ABCD3: variants seen among roughly 807,000 people sequenced by gnomAD.
ABCD3 encodes the protein ATP-binding cassette sub-family D member 3.
A neutral mutation model predicts 105.5 loss-of-function variants in ABCD3; 41 were observed. That is an observed-to-expected ratio of 0.39 (90% confidence interval 0.30 to 0.50). The LOEUF (loss-of-function observed/expected upper bound fraction) is 0.50, where lower values mean the gene tolerates loss of function less well. ABCD3 is among the 20% of genes least tolerant of loss of function. ABCD3 has a pLI of 0.84. For synonymous variants in ABCD3, 258 were observed against 269.0 expected, an observed-to-expected ratio of 0.96 and a Z score of 0.40; for missense variants, 622 against 806.3, an observed-to-expected ratio of 0.77 and a Z score of 2.77.
At chr1:94,503,603 A>G (rs916732234) in intron 20 of ABCD3, among the ~76,000 whole-genome samples, 6 of 152,166 alleles carry the variant, frequency 3.9e-5, no homozygotes, top group African/African-American at 1.4e-4. Flanking sequence ...TGCCTTAGCC[A>G]AAGCTTCTCT....
chr1:94,390,754 A>G, the ABCD3 span, among the ~76,000 whole-genome samples: 1 of 152,206 alleles, frequency 6.6e-6, no homozygotes, highest in Non-Finnish European at 1.5e-5. Context: ...CTGGAGAAAA[A>G]TATGAAGGTT....
At chr1:94,451,246 GGTTT>G (rs1647234844) in intron 1 of ABCD3, among the ~76,000 whole-genome samples, 2 of 151,876 alleles carry the variant, frequency 1.3e-5, no homozygotes, top group Admixed American at 1.3e-4. Context: ...TGAAATCTTG[GGTTT>G]GTTTTTGTTT....
In ABCD3 at chr1:94,499,489, T is replaced by C. The variant is rs770331037; in HGVS notation, c.1621-6T>C. 9 of 1,612,926 alleles carry C rather than the reference T, an allele frequency of 5.6e-6. No individual in the cohort carries two copies. Among genetic ancestry groups the C allele is most frequent in the South Asian group, 1.1e-5 (1 of 91,066 alleles). On this transcript the variant is annotated splice_region_variant and splice_polypyrimidine_tract_variant and intron_variant, in intron 19 of 22. Transcript: ENST00000370214. The stretch of plus-strand genomic sequence containing the variant: ...TTAATTTCATCTTTAATCATTTTGC[T>C]GAAAGGTACTGAAGGAATACTTAGA...
chr1:94,424,857 T>A (rs1659402199), intron 1 of ABCD3, among the ~76,000 whole-genome samples: 1 of 152,228 alleles, frequency 6.6e-6, no homozygotes, highest in Non-Finnish European at 1.5e-5. Context: ...ACTGCTAGCA[T>A]TTAAGTTCCA....
At chr1:94,387,731 G>C in the ABCD3 span, among the ~76,000 whole-genome samples, 1 of 152,198 alleles carries the variant, frequency 6.6e-6, no homozygotes, top group Non-Finnish European at 1.5e-5. Flanking sequence ...CATTGTCAGT[G>C]TTATGCGATC....
At chr1:94,422,465 G>T (rs6660167) in intron 1 of ABCD3, among the ~76,000 whole-genome samples, 39,164 of 152,084 alleles carry the variant, frequency 0.26, 5,674 homozygotes, top group Admixed American at 0.34. Context: ...ATCGTGTTCC[G>T]CAAAACTGGT....
In ABCD3 at chr1:94,515,102, T is replaced by G. The variant is rs1008676299; in HGVS notation, c.1846-44T>G. ...AAAGTACATGGACTAGTTTAATTTG[T>G]GACTCTGTTACTCATTAAACCTAAA... On this transcript the variant is annotated intron_variant, in intron 21 of 22. Coordinates refer to ENST00000370214, the MANE Select transcript of ABCD3 (RefSeq NM_002858.4). 6.9e-6 allele frequency: 10 copies of G among 1,458,472 alleles called. No homozygotes were observed. In the Admixed American group the frequency reaches 1.0e-4, roughly 15 times the overall value. The allele number at this position is 1,458,472 out of a possible 1,614,324, so 90.3% of individuals were successfully genotyped here. A position where few individuals can be genotyped will look rare whatever the true frequency, so the allele number is the denominator to read the frequency against.
At chr1:94,438,651 C>T (rs796631541) in intron 1 of ABCD3, among the ~76,000 whole-genome samples, 2 of 152,294 alleles carry the variant, frequency 1.3e-5, no homozygotes, top group African/African-American at 4.8e-5. Flanking sequence ...GCCACAGCCA[C>T]CCCAGCCTTC....
At position 94,517,636 on chromosome 1, in the gene ABCD3, TTA is replaced by T. The variant is rs1650981063; in HGVS notation, c.*510_*511del. The stretch of plus-strand genomic sequence containing the variant: ...TAACATCATTGCATAACAGCGTTTA[TTA>T]TACAGTGGCAGATTTCTTTAGCTGC... On this transcript the variant is annotated 3_prime_UTR_variant, in exon 23 of 23. Transcript: ENST00000370214. The T allele has an allele frequency of 6.1e-6, 1 of 165,104 alleles. No individual in the cohort carries two copies. Among genetic ancestry groups the T allele is most frequent in the African/African-American group, 2.4e-5 (1 of 41,494 alleles). 10.2% of individuals were successfully genotyped at this position (165,104 alleles called of 1,614,324 possible). A position where few individuals can be genotyped will look rare whatever the true frequency, so the allele number is the denominator to read the frequency against.
At chr1:94,508,732 G>C (rs1263720335) in intron 21 of ABCD3, among the ~76,000 whole-genome samples, 1 of 151,824 alleles carries the variant, frequency 6.6e-6, no homozygotes, top group African/African-American at 2.4e-5. Flanking sequence ...GGATTCCTAG[G>C]TATTTTATTC....
chr1:94,486,982 A>G (rs1649304043), intron 10 of ABCD3, among the ~76,000 whole-genome samples: 1 of 152,198 alleles, frequency 6.6e-6, no homozygotes, highest in Non-Finnish European at 1.5e-5. Flanking sequence ...ATAAAAAAGC[A>G]GTTTTAGACT....
At chr1:94,430,238 G>A (rs1385264096) in intron 1 of ABCD3, among the ~76,000 whole-genome samples, 5 of 151,236 alleles carry the variant, frequency 3.3e-5, no homozygotes, top group Non-Finnish European at 7.4e-5. Flanking sequence ...ACTTGCTTTT[G>A]ATTTTACAGG....
At chr1:94,407,617 G>T in the ABCD3 span, among the ~76,000 whole-genome samples, 1 of 152,164 alleles carries the variant, frequency 6.6e-6, no homozygotes, top group African/African-American at 2.4e-5. Flanking sequence ...ATTTGTGTAT[G>T]TGAATATTAT....
intron 2 of ABCD3, among the ~76,000 whole-genome samples, chr1:94,464,051 A>G (rs1648013173): frequency 1.3e-5 from 2 of 152,160 alleles, no homozygotes; most frequent in African/African-American, 2.4e-5. Flanking sequence ...TTAAATGTCA[A>G]GAGACTTTTC....
chr1:94,398,723 C>T, the ABCD3 span, among the ~76,000 whole-genome samples: 2 of 152,112 alleles, frequency 1.3e-5, no homozygotes, highest in Non-Finnish European at 2.9e-5. Flanking sequence ...ACCAGCCTGA[C>T]CAATATGGTA....
upstream of ABCD3, among the ~76,000 whole-genome samples, chr1:94,416,174 C>T (rs528447701): frequency 4.6e-5 from 7 of 152,294 alleles, no homozygotes; most frequent in African/African-American, 1.7e-4. Context: ...TAAGATGATA[C>T]CGTTACTTTC....
At chr1:94,434,654 A>G (rs954057175) in intron 1 of ABCD3, among the ~76,000 whole-genome samples, 6 of 152,240 alleles carry the variant, frequency 3.9e-5, no homozygotes, top group African/African-American at 9.6e-5. Flanking sequence ...TGAGTGTAAT[A>G]CAATCATGGT....
In ABCD3 at chr1:94,453,463, T is replaced by C. The variant is rs951163100; in HGVS notation, c.111-5144T>C. Among the ~76,000 whole-genome samples the C allele has an allele frequency of 3.3e-5, 5 of 151,800 alleles. No homozygotes were observed. In the East Asian group the frequency reaches 9.8e-4, roughly 30 times the overall value. On this transcript the variant is annotated intron_variant, in intron 1 of 22. Coordinates refer to ENST00000370214, the MANE Select transcript of ABCD3 (RefSeq NM_002858.4). The stretch of plus-strand genomic sequence containing the variant: ...CCTTTTGAGTAGCTGGGACTACAGG[T>C]GCCCGCCACCTCGCCTGGCTAATTT...
chr1:94,439,805 T>G (rs1406358121), intron 1 of ABCD3, among the ~76,000 whole-genome samples: 2 of 152,362 alleles, frequency 1.3e-5, no homozygotes, highest in African/African-American at 4.8e-5. Flanking sequence ...TATCACCACA[T>G]TTGTAAGTTT....
Sources: allele counts gnomAD v4.1 joint callset (sites outside exome capture counted in the v4.1 genomes callset), GRCh38; gene constraint gnomAD v4.1.1; transcripts MANE v1.5; gene names NCBI Gene and HGNC (gene_info 2026-07-23, HGNC 2026-07-21).